Variants in RIT2 observed in about 807,000 individuals in gnomAD.
The protein encoded by RIT2 is GTP-binding protein Rit2.
In RIT2, 24 loss-of-function variants were observed where a neutral mutation model predicts 23.7. The observed-to-expected ratio is 1.01, with a 90% CI of 0.73 to 1.43. The LOEUF is 1.43. RIT2 is among the 40% of genes most tolerant of loss of function. The pLI is 0.00. For missense variants in RIT2, 236 were observed against 266.9 expected, an observed-to-expected ratio of 0.88 and a Z score of 0.81; for synonymous variants, 107 against 91.1, an observed-to-expected ratio of 1.17 and a Z score of -0.99.
intron 1 of RIT2, among the ~76,000 whole-genome samples, chr18:43,093,189 G>A (rs889355516): frequency 1.8e-4 from 28 of 151,942 alleles, no homozygotes; most frequent in Admixed American, 7.9e-4. Context: ...CAGTGCTTTC[G>A]CTTTTTAAAT....
intron 4 of RIT2, among the ~76,000 whole-genome samples, chr18:42,837,985 T>C (rs565597655): frequency 5.9e-4 from 90 of 152,224 alleles, no homozygotes; most frequent in African/African-American, 2.1e-3. Flanking sequence ...TGAGTGACTT[T>C]TTGGGGAGAA....
intron 1 of RIT2, among the ~76,000 whole-genome samples, chr18:43,068,259 A>G (rs529550948): frequency 6.6e-6 from 1 of 152,286 alleles, no homozygotes; most frequent in Non-Finnish European, 1.5e-5. Context: ...GAGTAAACTG[A>G]AGATTTTATT....
intron 3 of RIT2, among the ~76,000 whole-genome samples, chr18:42,932,424 CACTT>C (rs1264436834): frequency 6.6e-6 from 1 of 152,120 alleles, no homozygotes; most frequent in Non-Finnish European, 1.5e-5. Context: ...AGTGGTTACA[CACTT>C]ACTTTCACAT....
chr18:43,100,487 A>G (rs1453701918), intron 1 of RIT2, among the ~76,000 whole-genome samples: 1 of 152,182 alleles, frequency 6.6e-6, no homozygotes, highest in Non-Finnish European at 1.5e-5. Flanking sequence ...GACAAATCTG[A>G]CTTGTAGCTT....
In RIT2 at chr18:43,032,724, A is replaced by G. The variant is rs150242153; in HGVS notation, c.160+1087T>C. 7.9e-3 allele frequency among the ~76,000 whole-genome samples: 1,196 copies of G among 152,234 alleles called. 5 individuals are homozygous for G. Among genetic ancestry groups the G allele is most frequent in the Middle Eastern group, 0.024 (7 of 294 alleles). ...AAATCTATCTAATCGATTTACTTCA[A>G]CTGATGAGGTGGTCTTAATAAATAA... On this transcript the variant is annotated intron_variant, in intron 2 of 4. Transcript: ENST00000326695.
rs188689882 is a variant in RIT2, at chr18:42,982,040, A to G, written c.161-7893T>C. On this transcript the variant is annotated intron_variant, in intron 2 of 4. Coordinates refer to ENST00000326695, the MANE Select transcript of RIT2 (RefSeq NM_002930.4). ...ATGGGTCACTACCATCTATGTCTGA[A>G]GAGCTGAGATCTCAAGAAATTTTAT... 2.8e-4 allele frequency among the ~76,000 whole-genome samples: 43 copies of G among 152,320 alleles called. No homozygotes were observed. In the East Asian group the frequency reaches 7.9e-3, roughly 28 times the overall value.
chr18:42,862,152 G>C (rs1163560627), intron 4 of RIT2, among the ~76,000 whole-genome samples: 1 of 152,120 alleles, frequency 6.6e-6, no homozygotes, highest in East Asian at 1.9e-4. Flanking sequence ...CTAAGGGAGG[G>C]ACCTGGTGAG....
intron 1 of RIT2, among the ~76,000 whole-genome samples, chr18:43,089,198 T>C (rs888662544): frequency 6.6e-6 from 1 of 152,068 alleles, no homozygotes; most frequent in African/African-American, 2.4e-5. Flanking sequence ...GAAAACCCTA[T>C]AGTCTCAGCC....
At chr18:43,037,976 G>A (rs555734028) in intron 1 of RIT2, among the ~76,000 whole-genome samples, 5 of 152,044 alleles carry the variant, frequency 3.3e-5, no homozygotes, top group Admixed American at 6.5e-5. Flanking sequence ...AGGCCAAGGC[G>A]GGCGGATCAC....
intron 4 of RIT2, among the ~76,000 whole-genome samples, chr18:42,878,828 GC>G (rs1298365451): frequency 4.1e-5 from 6 of 146,334 alleles, no homozygotes; most frequent in African/African-American, 1.5e-4. Context: ...TTTCTGTACC[GC>G]CCCCCGCCCC....
At chr18:42,979,901 T>C (rs1006230027) in intron 2 of RIT2, among the ~76,000 whole-genome samples, 1 of 152,126 alleles carries the variant, frequency 6.6e-6, no homozygotes, top group Non-Finnish European at 1.5e-5. Flanking sequence ...AGAAGTACTT[T>C]GAAGGGTGCT....
chr18:43,060,309 C>A (rs1912614712), intron 1 of RIT2, among the ~76,000 whole-genome samples: 1 of 152,114 alleles, frequency 6.6e-6, no homozygotes. Context: ...CACAGCCAAG[C>A]ACATTTGATG....
At chr18:42,894,945 A>G (rs1380196698) in intron 4 of RIT2, among the ~76,000 whole-genome samples, 4 of 152,210 alleles carry the variant, frequency 2.6e-5, no homozygotes. Context: ...ATGAACATAA[A>G]TGCAGGTGTT....
rs35014387 is a variant in RIT2 at position 43,108,174 on chromosome 18, C to CAA, written c.103+7241_103+7242dup. 8.3e-3 allele frequency among the ~76,000 whole-genome samples: 1,129 copies of CAA among 136,444 alleles called. 13 individuals carry two copies. The highest frequency in any genetic ancestry group is 0.028 in the African/African-American group (1,043 of 36,738). The allele number at this position is 136,444 out of a possible 152,430, so 89.5% of individuals were successfully genotyped here. On this transcript the variant is annotated intron_variant, in intron 1 of 4. Transcript: ENST00000326695. The stretch of plus-strand genomic sequence containing the variant: ...TGAGTGATAGAACGAGACTCCATCT[C>CAA]AAAAAAAAAAAAAATGCAGCTGAAG...
chr18:43,022,484 T>C (rs1911619559), intron 2 of RIT2, among the ~76,000 whole-genome samples: 1 of 152,090 alleles, frequency 6.6e-6, no homozygotes. Flanking sequence ...AAATGGTCAA[T>C]ACGCAGGATG....
chr18:43,115,359 C>A, intron 1 of RIT2, 58 bp downstream of exon 1: 1 of 1,601,610 alleles, frequency 6.2e-7, no homozygotes, highest in Non-Finnish European at 8.5e-7. Context: ...TTCTTTCACT[C>A]TATAGAGTTG....
chr18:42,762,186 T>C (rs572374749), intron 4 of RIT2, among the ~76,000 whole-genome samples: 3 of 152,194 alleles, frequency 2.0e-5, no homozygotes, highest in Non-Finnish European at 4.4e-5. Context: ...AGATCCAGAA[T>C]AACCCTCCCC....
At chr18:42,880,964 T>C (rs549415) in intron 4 of RIT2, among the ~76,000 whole-genome samples, 40,464 of 151,800 alleles carry the variant, frequency 0.27, 7,128 homozygotes, top group African/African-American at 0.49. Flanking sequence ...TGCGCCACCA[T>C]GCCAGGCTAA....
chr18:43,092,672 A>G (rs1010459744), intron 1 of RIT2, among the ~76,000 whole-genome samples: 8 of 152,070 alleles, frequency 5.3e-5, no homozygotes, highest in Non-Finnish European at 7.4e-5. Flanking sequence ...ATTAACTGTT[A>G]TCGAGACAGA....
Sources: allele counts gnomAD v4.1 joint callset (sites outside exome capture counted in the v4.1 genomes callset), GRCh38; gene constraint gnomAD v4.1.1; transcripts MANE v1.5; gene names NCBI Gene and HGNC (gene_info 2026-07-23, HGNC 2026-07-21).